The following TEX10 variants were observed in gnomAD, a reference collection of about 807,000 sequenced individuals.
The protein encoded by TEX10 is testis expressed 10.
Under a neutral mutation model 104.4 loss-of-function variants are expected in TEX10, and 24 were observed. The observed-to-expected ratio is 0.23, with a 90% CI of 0.17 to 0.32. The LOEUF (loss-of-function observed/expected upper bound fraction) is 0.32, where lower values mean the gene tolerates loss of function less well. TEX10 is among the 10% of genes least tolerant of loss of function. TEX10 has a pLI of 1.00. For synonymous variants in TEX10, 396 were observed against 393.4 expected (o/e 1.01, Z -0.08); for missense variants, 921 against 1,083.9 (o/e 0.85, Z 2.11).
At chr9:100,302,930 C>T (rs937546579) in intron 14 of TEX10, among the ~76,000 whole-genome samples, 3 of 142,388 alleles carry the variant, frequency 2.1e-5, no homozygotes, top group Admixed American at 7.0e-5. Flanking sequence ...TTTTAACCGC[C>T]CCCCCCCCAA....
In TEX10 at chr9:100,352,752, G is replaced by A. The variant is rs1004648539; in HGVS notation, c.-10+20C>T. ...CCCGCGCCCCGGGAGGACCCGGCCCGACGGGCGACGGCCGCTTACCTGAGG... is the reference window on the plus strand; with the variant it reads ...CCCGCGCCCCGGGAGGACCCGGCCCAACGGGCGACGGCCGCTTACCTGAGG... On this transcript the variant is annotated intron_variant, in intron 1 of 14. Transcript: ENST00000374902. The A allele has an allele frequency of 2.6e-6, 3 of 1,157,564 alleles. No individual in the cohort carries two copies. Among genetic ancestry groups the A allele is most frequent in the Non-Finnish European group, 3.2e-6 (3 of 941,648 alleles). 71.7% of individuals were successfully genotyped at this position (1,157,564 alleles called of 1,614,324 possible). A position where few individuals can be genotyped will look rare whatever the true frequency, so the allele number is the denominator to read the frequency against.
chr9:100,334,687 CAG>C (rs1834963440), intron 5 of TEX10, among the ~76,000 whole-genome samples: 1 of 145,060 alleles, frequency 6.9e-6, no homozygotes, highest in South Asian at 2.2e-4. Context: ...TTTCCTGAGA[CAG>C]AGTCTCACTC....
intron 2 of TEX10, among the ~76,000 whole-genome samples, chr9:100,347,811 T>C (rs534830940): frequency 1.1e-4 from 17 of 152,294 alleles, no homozygotes; most frequent in Admixed American, 3.3e-4. Flanking sequence ...ATTCAGAGTA[T>C]ACTACCTGAC....
At chr9:100,341,612 G>A (rs1468370284) in intron 4 of TEX10, among the ~76,000 whole-genome samples, 5 of 151,798 alleles carry the variant, frequency 3.3e-5, no homozygotes, top group South Asian at 4.2e-4. Context: ...CTAGATACCC[G>A]GCCACCATCA....
intron 5 of TEX10, among the ~76,000 whole-genome samples, chr9:100,336,590 T>G (rs1026261169): frequency 3.3e-5 from 5 of 152,180 alleles, no homozygotes; most frequent in Non-Finnish European, 5.9e-5. Flanking sequence ...CTCCCACTGA[T>G]TCTACATTAT....
At chr9:100,342,550 T>C (rs1587740931) in intron 4 of TEX10, among the ~76,000 whole-genome samples, 1 of 152,194 alleles carries the variant, frequency 6.6e-6, no homozygotes, top group East Asian at 1.9e-4. Flanking sequence ...TACTGAGGAA[T>C]TGAATTTTAA....
chr9:100,347,447 C>A, intron 2 of TEX10, 41 bp from the exon 3 acceptor site: 1 of 1,457,824 alleles, frequency 6.9e-7, no homozygotes, highest in South Asian at 1.5e-5. Context: ...TACTTATATA[C>A]ATGTATCAAT....
At position 100,330,100 on chromosome 9, in the gene TEX10, G is replaced by T; in HGVS notation, c.1320C>A (p.Ile440=). ...HLLLNLTLSD[I]MVSLANASTL... is the part of the protein sequence containing the mutation. ...TTGACGCATTTGCCAGGGAGACCAT[G>T]ATATCAGACAGTGTTAAATTCAGTA... The change falls in exon 6 of 15, where the codon ATC becomes ATA. Residue 440 remains isoleucine (I), a synonymous_variant. Transcript: ENST00000374902. 1 of 1,614,106 alleles carries T rather than the reference G, an allele frequency of 6.2e-7. No individual in the cohort carries two copies. The highest frequency in any genetic ancestry group is 8.5e-7 in the Non-Finnish European group (1 of 1,180,004).
At chr9:100,330,281 A>C in intron 5 of TEX10, 112 bp from the exon 6 acceptor site, 4 of 820,590 alleles carry the variant, frequency 4.9e-6, no homozygotes, top group Non-Finnish European at 5.8e-6. Context: ...TTCTAGAATT[A>C]ATAGATGGCC....
chr9:100,323,879 C>T (rs533544186), intron 9 of TEX10, among the ~76,000 whole-genome samples: 57 of 152,188 alleles, frequency 3.7e-4, no homozygotes, highest in Middle Eastern at 3.4e-3. Flanking sequence ...CAACAGTATA[C>T]AGGATGCATA....
intron 4 of TEX10, among the ~76,000 whole-genome samples, chr9:100,343,723 A>G (rs1331263939): frequency 1.3e-5 from 2 of 152,222 alleles, no homozygotes; most frequent in African/African-American, 4.8e-5. Flanking sequence ...TCCTAAGACT[A>G]TATCTAACCG....
At chr9:100,351,400 C>CCA (rs1835442959) in intron 1 of TEX10, among the ~76,000 whole-genome samples, 1 of 77,808 alleles carries the variant, frequency 1.3e-5, no homozygotes. Flanking sequence ...AGCTGGGGGT[C>CCA]GGTGGGTGGG....
Position 100,308,563 on chromosome 9 carries a change from C to G in TEX10, c.2402G>C (p.Cys801Ser), listed in dbSNP as rs775231521. The change falls in exon 13 of 15, where the codon TGC becomes TCC. Residue 801 changes from cysteine (C) to serine (S), a missense_variant. Around this residue, in one of 3 missense-constraint regions of TEX10, gnomAD observed 753 missense variants for 868.4 expected, o/e 0.87. Transcript: ENST00000374902. ...ETLLPFLASC[C>S]YSLLYFLLTI... is the part of the protein sequence containing the mutation. ...GAGCAGAAAATAAAGAAGACTGTAG[C>G]AACAAGAAGCCAGAAATGGCAGTAG... 6.2e-7 allele frequency: 1 copy of G among 1,612,638 alleles called. No individual in the cohort carries two copies. The highest frequency in any genetic ancestry group is 2.2e-5 in the East Asian group (1 of 44,794).
At chr9:100,309,335 T>C (rs1222624452) in intron 12 of TEX10, among the ~76,000 whole-genome samples, 1 of 152,178 alleles carries the variant, frequency 6.6e-6, no homozygotes, top group Non-Finnish European at 1.5e-5. Context: ...ACTGTATATA[T>C]ACATGGTTTC....
chr9:100,309,179 T>C (rs138102251), intron 12 of TEX10, among the ~76,000 whole-genome samples: 1 of 152,232 alleles, frequency 6.6e-6, no homozygotes, highest in Non-Finnish European at 1.5e-5. Flanking sequence ...TGAATAAACA[T>C]ACCTCTACTG....
At chr9:100,310,202 G>T in intron 12 of TEX10, 97 bp downstream of exon 12, 1 of 963,514 alleles carries the variant, frequency 1.0e-6, no homozygotes, top group Non-Finnish European at 1.6e-6. Flanking sequence ...ATTAATCTTA[G>T]AATTCCAGAC....
rs1247949982 is a variant in TEX10 at position 100,321,774 on chromosome 9, A to ATG, written c.1980-4_1980-3insCA. Reference sequence around the variant, plus strand: ...ACTTCCACCCAGAAAATGATGATCTATAAAAAACAAAGGGAGAACTATTAC... The same window carrying ATG: ...ACTTCCACCCAGAAAATGATGATCTATGTAAAAAACAAAGGGAGAACTATTAC... On this transcript the variant is annotated splice_polypyrimidine_tract_variant and splice_region_variant and intron_variant, in intron 9 of 14. Coordinates refer to ENST00000374902, the MANE Select transcript of TEX10 (RefSeq NM_017746.4). 2 of 1,610,386 alleles carry ATG rather than the reference A, an allele frequency of 1.2e-6. No individual in the cohort carries two copies. The highest frequency in any genetic ancestry group is 1.7e-6 in the Non-Finnish European group (2 of 1,178,302).
chr9:100,335,467 C>G (rs949392498), intron 5 of TEX10, among the ~76,000 whole-genome samples: 1 of 152,156 alleles, frequency 6.6e-6, no homozygotes, highest in Non-Finnish European at 1.5e-5. Flanking sequence ...CCCAAAAGTG[C>G]TGGGATTACA....
intron 11 of TEX10, among the ~76,000 whole-genome samples, chr9:100,319,665 G>A (rs993944567): frequency 1.3e-5 from 2 of 152,028 alleles, no homozygotes; most frequent in Non-Finnish European, 2.9e-5. Context: ...AATTAGCCAG[G>A]TGCAGTGGCG....
Sources: gnomAD v4.1 joint callset for allele counts (sites outside exome capture counted in the v4.1 genomes callset) on GRCh38, gnomAD v4.1.1 for gene constraint, gnomAD v4.1.1 regional missense constraint, MANE v1.5 for transcripts, NCBI Gene and HGNC (gene_info 2026-07-23, HGNC 2026-07-21) for gene names.